CNTNAP2: variants seen among roughly 807,000 people sequenced by gnomAD.
CNTNAP2 encodes contactin-associated protein-like 2.
A neutral mutation model predicts 155.2 loss-of-function variants in CNTNAP2; 98 were observed. That is an observed-to-expected ratio of 0.63 (90% confidence interval 0.54 to 0.75). The LOEUF (loss-of-function observed/expected upper bound fraction) is 0.75. Among genes scored for constraint, CNTNAP2 ranks in the 30% least tolerant of loss-of-function variants. The pLI is 0.00. For missense variants in CNTNAP2, 1,727 were observed against 1,688.1 expected (o/e 1.02, Z -0.40); for synonymous variants, 651 against 631.2 (o/e 1.03, Z -0.47).
intron 13 of CNTNAP2, among the ~76,000 whole-genome samples, chr7:147,717,393 A>G (rs1388489690): frequency 6.6e-6 from 1 of 152,100 alleles, no homozygotes; most frequent in Non-Finnish European, 1.5e-5. Context: ...TACCAGCAGT[A>G]TCCTCACCTA....
At chr7:148,225,734 G>T (rs1243681905) in intron 19 of CNTNAP2, among the ~76,000 whole-genome samples, 3 of 152,208 alleles carry the variant, frequency 2.0e-5, no homozygotes, top group Non-Finnish European at 4.4e-5. Context: ...GGTCCAGGGG[G>T]TAGAGATGGA....
chr7:147,087,164 C>A (rs556749765), intron 4 of CNTNAP2, among the ~76,000 whole-genome samples: 19 of 152,260 alleles, frequency 1.2e-4, no homozygotes, highest in African/African-American at 4.6e-4. Flanking sequence ...GTTCCCTCTG[C>A]AGCATTTATT....
intron 11 of CNTNAP2, among the ~76,000 whole-genome samples, chr7:147,538,974 C>T (rs566747590): frequency 6.6e-6 from 1 of 152,070 alleles, no homozygotes; most frequent in South Asian, 2.1e-4. Context: ...TGAGGTGTCT[C>T]TTAATATAAC....
chr7:147,591,187 A>T (rs1336737228), intron 12 of CNTNAP2, among the ~76,000 whole-genome samples: 1 of 152,226 alleles, frequency 6.6e-6, no homozygotes, highest in Non-Finnish European at 1.5e-5. Flanking sequence ...TATCTGTATT[A>T]GTTTCCTAGG....
intron 1 of CNTNAP2, among the ~76,000 whole-genome samples, chr7:146,428,980 A>C (rs1355768866): frequency 6.6e-6 from 1 of 151,068 alleles, no homozygotes. Context: ...GCTAGCAGGG[A>C]ATCTTTCCTC....
rs1563131993 is a variant in CNTNAP2 at position 147,246,069 on chromosome 7, C to CATATATATATATACATATATATGGCAT, written c.1349-54060_1349-54034dup. Among the ~76,000 whole-genome samples the CATATATATATATACATATATATGGCAT allele has an allele frequency of 8.2e-5, 12 of 146,384 alleles. No individual in the cohort carries two copies. The South Asian group carries it at 1.1e-3, about 13-fold the overall frequency. ...CATATATATATACACATATATATGG[C>CATATATATATATACATATATATGGCAT]ATATATATATATACATATATATGGC... is the stretch of plus-strand genomic sequence containing the variant. On this transcript the variant is annotated intron_variant, in intron 8 of 23. Coordinates refer to ENST00000361727, the MANE Select transcript of CNTNAP2 (RefSeq NM_014141.6).
At chr7:146,985,994 T>C (rs1375085098) in intron 3 of CNTNAP2, among the ~76,000 whole-genome samples, 1 of 152,146 alleles carries the variant, frequency 6.6e-6, no homozygotes, top group Non-Finnish European at 1.5e-5. Context: ...TTGCAATTTT[T>C]TTAATTTTAA....
chr7:146,344,598 C>A (rs1794792026), intron 1 of CNTNAP2, among the ~76,000 whole-genome samples: 1 of 151,944 alleles, frequency 6.6e-6, no homozygotes, highest in African/African-American at 2.4e-5. Flanking sequence ...CTTGCCTCAG[C>A]CTCCCAAATA....
chr7:147,207,699 C>T (rs934999996), intron 8 of CNTNAP2, among the ~76,000 whole-genome samples: 1 of 152,038 alleles, frequency 6.6e-6, no homozygotes, highest in African/African-American at 2.4e-5. Context: ...AGCCCATAAT[C>T]TAAAATATTA....
chr7:146,336,874 T>C (rs949501188), intron 1 of CNTNAP2, among the ~76,000 whole-genome samples: 1 of 152,146 alleles, frequency 6.6e-6, no homozygotes, highest in Non-Finnish European at 1.5e-5. Context: ...CACAACCTTC[T>C]TGAAATAAAG....
chr7:147,636,179 A>T (rs78513114), intron 12 of CNTNAP2, among the ~76,000 whole-genome samples: 10,555 of 152,236 alleles, frequency 0.069, 1,019 homozygotes, highest in African/African-American at 0.19. Flanking sequence ...GAATATATTT[A>T]TTCTACAGAA....
chr7:147,696,281 CT>C (rs1160184240), intron 13 of CNTNAP2, among the ~76,000 whole-genome samples: 1 of 152,062 alleles, frequency 6.6e-6, no homozygotes, highest in Non-Finnish European at 1.5e-5. Flanking sequence ...ACATTTGCTG[CT>C]TTTTGTGGTT....
chr7:147,055,828 G>A lies in CNTNAP2; in HGVS notation c.550+11774G>A, dbSNP rs1020361377. ...GAGAAGTGGAATATGCCTGATCCCCGAGGGAAGCAGCGTCTTTTTATTGGA... is the reference window on the plus strand; with the variant it reads ...GAGAAGTGGAATATGCCTGATCCCCAAGGGAAGCAGCGTCTTTTTATTGGA... On this transcript the variant is annotated intron_variant, in intron 4 of 23. Coordinates refer to ENST00000361727, the MANE Select transcript of CNTNAP2 (RefSeq NM_014141.6). Among the ~76,000 whole-genome samples, 7 of 152,206 alleles carry A rather than the reference G, an allele frequency of 4.6e-5. No individual in the cohort carries two copies. In the South Asian group the frequency reaches 8.3e-4, roughly 18 times the overall value.
rs78655965 is a variant in CNTNAP2 at position 147,576,422 on chromosome 7, G to A, written c.1897+14165G>A. On this transcript the variant is annotated intron_variant, in intron 12 of 23. Coordinates refer to ENST00000361727, the MANE Select transcript of CNTNAP2 (RefSeq NM_014141.6). ...GTCCTATAAACTTGAAAAAGTCCAA[G>A]TGCTCTATCCTTTTAGGTGCTCCAA... is the stretch of plus-strand genomic sequence containing the variant. 1.2e-4 allele frequency among the ~76,000 whole-genome samples: 18 copies of A among 152,198 alleles called. No homozygotes were observed. In the East Asian group the frequency reaches 3.5e-3, roughly 29 times the overall value.
rs1796646347 is a variant in CNTNAP2 at position 148,265,150 on chromosome 7, TCATTAGATGGC to T, written c.3382-1882_3382-1872del. On this transcript the variant is annotated intron_variant, in intron 20 of 23. Coordinates refer to ENST00000361727, the MANE Select transcript of CNTNAP2 (RefSeq NM_014141.6). ...GTGCGGTGGCAGTTACCCATGGGTG[TCATTAGATGGC>T]AGCAAAGCAGCTAGCTAATATTTAA... is the stretch of plus-strand genomic sequence containing the variant. 2.0e-5 allele frequency among the ~76,000 whole-genome samples: 3 copies of T among 152,206 alleles called. 1 individual carries two copies.
chr7:147,056,773 A>G lies in CNTNAP2; in HGVS notation c.550+12719A>G, dbSNP rs565815873. On this transcript the variant is annotated intron_variant, in intron 4 of 23. Transcript: ENST00000361727. ...ATGAGCTTTGTTTGTTTGTTTGTTC[A>G]TTTGTTTGTTTGTTTTGGAGACATT... Among the ~76,000 whole-genome samples the G allele has an allele frequency of 1.2e-3, 188 of 151,780 alleles. 3 individuals are homozygous for G. Among genetic ancestry groups the G allele is most frequent in the African/African-American group, 4.0e-3 (165 of 41,396 alleles).
intron 15 of CNTNAP2, among the ~76,000 whole-genome samples, chr7:147,991,820 GAGCTATAAACT>G (rs1390668298): frequency 6.6e-6 from 1 of 152,070 alleles, no homozygotes; most frequent in African/African-American, 2.4e-5. Flanking sequence ...GCTAAGCTGT[GAGCTATAAACT>G]ACCTCACTCT....
chr7:146,511,398 C>A (rs547727302), intron 1 of CNTNAP2, among the ~76,000 whole-genome samples: 1 of 152,258 alleles, frequency 6.6e-6, no homozygotes, highest in African/African-American at 2.4e-5. Context: ...AATTTTTCTC[C>A]ATTTAGTATG....
chr7:146,270,818 A>G (rs1222320733), intron 1 of CNTNAP2, among the ~76,000 whole-genome samples: 1 of 152,166 alleles, frequency 6.6e-6, no homozygotes, highest in African/African-American at 2.4e-5. Context: ...CACACATAAC[A>G]CAAATTTAAC....
Sources: gnomAD v4.1 joint callset for allele counts (sites outside exome capture counted in the v4.1 genomes callset) on GRCh38, gnomAD v4.1.1 for gene constraint, MANE v1.5 for transcripts, NCBI Gene and HGNC (gene_info 2026-07-23, HGNC 2026-07-21) for gene names.